Variants in DYNLRB1 observed in about 807,000 individuals in gnomAD.
DYNLRB1 encodes dynein light chain roadblock-type 1.
A neutral mutation model predicts 13.5 loss-of-function variants in DYNLRB1; 6 were observed. The ratio of observed to expected loss-of-function variants is 0.44; its 90% CI spans 0.24 to 0.88. The LOEUF (loss-of-function observed/expected upper bound fraction) is 0.88. Among genes scored for constraint, DYNLRB1 ranks in the 40% least tolerant of loss-of-function variants. DYNLRB1 has a pLI of 0.21. For synonymous variants in DYNLRB1, 43 were observed against 45.0 expected (o/e 0.96, Z 0.18); for missense variants, 93 against 127.2 (o/e 0.73, Z 1.29).
chr20:34,516,416 C>T (rs970461203), upstream of DYNLRB1: 3 of 1,610,902 alleles, frequency 1.9e-6, no homozygotes, highest in Non-Finnish European at 2.5e-6. Context: ...AGGCACAGGA[C>T]TCGCTAAGTG....
At chr20:34,521,870 AC>A (rs1271820585) in intron 1 of DYNLRB1, among the ~76,000 whole-genome samples, 4 of 151,932 alleles carry the variant, frequency 2.6e-5, no homozygotes, top group Admixed American at 2.6e-4. Flanking sequence ...ACATGTCGAA[AC>A]CCCATCTCTA....
Position 34,534,655 on chromosome 20 carries a change from A to G in DYNLRB1, c.107A>G (p.Asn36Ser), listed in dbSNP as rs1600552214. Reference protein sequence around the residue: ...EGIPIKSTMDNPTTTQYASLM... With the variant: ...EGIPIKSTMDSPTTTQYASLM... ...ATTCCCATCAAGAGCACCATGGACA[A>G]CCCCACCACCACCCAGTATGCCAGC... Residue 36 changes from asparagine (N) to serine (S), a missense_variant, in exon 3 of 4, where the codon AAC becomes AGC. By Grantham distance (46) the Asn-to-Ser change is conservative. Coordinates refer to ENST00000357156, the MANE Select transcript of DYNLRB1 (RefSeq NM_014183.4). 1.3e-6 allele frequency: 2 copies of G among 1,578,436 alleles called. No individual in the cohort carries two copies. Among genetic ancestry groups the G allele is most frequent in the Non-Finnish European group, 8.6e-7 (1 of 1,161,882 alleles).
rs1048262479 is a variant in DYNLRB1, at chr20:34,536,463, G to C, written c.247+1668G>C. On this transcript the variant is annotated intron_variant, in intron 3 of 3. Coordinates refer to ENST00000357156, the MANE Select transcript of DYNLRB1 (RefSeq NM_014183.4). Reference sequence around the variant, plus strand: ...AGCTTCACTCCCCAAAAGTCGGGCCGGGATGGAGCGCAGTGGCTCACGCCT... The same window carrying C: ...AGCTTCACTCCCCAAAAGTCGGGCCCGGATGGAGCGCAGTGGCTCACGCCT... 8.1e-6 allele frequency: 8 copies of C among 985,254 alleles called. No homozygotes were observed. In the African/African-American group the frequency reaches 1.2e-4, roughly 15 times the overall value. 61.0% of individuals were successfully genotyped at this position (985,254 alleles called of 1,614,324 possible).
At chr20:34,536,570 C>A (rs1981157253) in intron 3 of DYNLRB1, 1 of 716,656 alleles carries the variant, frequency 1.4e-6, no homozygotes, top group African/African-American at 1.9e-5. Context: ...CATGGTGAAA[C>A]CCCGTCTCTA....
At chr20:34,529,866 T>C in intron 2 of DYNLRB1, 2 of 1,528,410 alleles carry the variant, frequency 1.3e-6, no homozygotes, top group Non-Finnish European at 8.8e-7. Context: ...CTGGGAGCCC[T>C]TGGGACACTG....
chr20:34,538,021 T>C (rs1981297262), intron 3 of DYNLRB1, among the ~76,000 whole-genome samples: 2 of 131,114 alleles, frequency 1.5e-5, no homozygotes, highest in East Asian at 4.6e-4. Flanking sequence ...AGGGTCTAGC[T>C]CTGTTGCCCA....
At chr20:34,516,517 C>T (rs2146606011) in intron 1 of DYNLRB1, 56 bp downstream of exon 1, 1 of 1,606,670 alleles carries the variant, frequency 6.2e-7, no homozygotes, top group Non-Finnish European at 8.5e-7. Context: ...CACGCCAGGC[C>T]TTCAGTCTTC....
chr20:34,519,379 T>A (rs1320416623), intron 1 of DYNLRB1, among the ~76,000 whole-genome samples: 1 of 152,170 alleles, frequency 6.6e-6, no homozygotes, highest in South Asian at 2.1e-4. Flanking sequence ...TAGATGAAAC[T>A]GGAATATATA....
intron 2 of DYNLRB1, among the ~76,000 whole-genome samples, chr20:34,529,099 C>T (rs1248693635): frequency 6.6e-6 from 1 of 152,206 alleles, no homozygotes; most frequent in Non-Finnish European, 1.5e-5. Context: ...AGTGGTACAG[C>T]AGTGCCTGTG....
At chr20:34,516,273 G>A, upstream of DYNLRB1, 1 of 933,670 alleles carries the variant, frequency 1.1e-6, no homozygotes, top group Non-Finnish European at 1.6e-6. Flanking sequence ...TTTTCGCTTT[G>A]CCACAGTGGA....
At chr20:34,535,623 G>T (rs1981081528) in intron 3 of DYNLRB1, 3 of 984,264 alleles carry the variant, frequency 3.0e-6, no homozygotes, top group African/African-American at 1.7e-5. Context: ...TTCTCACTCT[G>T]CTTTTTCTTG....
At chr20:34,531,849 AG>A (rs1349301521) in intron 2 of DYNLRB1, among the ~76,000 whole-genome samples, 6 of 152,234 alleles carry the variant, frequency 3.9e-5, no homozygotes, top group African/African-American at 1.4e-4. Flanking sequence ...TGGAGACCTC[AG>A]GGACCAAAGT....
At chr20:34,527,279 G>C (rs1360027446) in intron 2 of DYNLRB1, among the ~76,000 whole-genome samples, 1 of 152,218 alleles carries the variant, frequency 6.6e-6, no homozygotes, top group African/African-American at 2.4e-5. Context: ...AGGGACTCTG[G>C]AATCCAGCAG....
At chr20:34,517,972 C>T (rs1979393684) in intron 1 of DYNLRB1, among the ~76,000 whole-genome samples, 1 of 152,158 alleles carries the variant, frequency 6.6e-6, no homozygotes, top group South Asian at 2.1e-4. Flanking sequence ...TTGATGGACG[C>T]TAATTCCATA....
chr20:34,517,358 C>T (rs1033688416), intron 1 of DYNLRB1, among the ~76,000 whole-genome samples: 3 of 152,074 alleles, frequency 2.0e-5, no homozygotes, highest in Admixed American at 1.3e-4. Flanking sequence ...AGTTTAGCCC[C>T]TATTGAATGT....
chr20:34,516,506 C>T (rs1263766410), intron 1 of DYNLRB1, 45 bp downstream of exon 1: 2 of 1,609,538 alleles, frequency 1.2e-6, no homozygotes, highest in African/African-American at 1.3e-5. Context: ...GCCCACCACC[C>T]CACGCCAGGC....
At chr20:34,530,309 A>G in intron 2 of DYNLRB1, 1 of 999,706 alleles carries the variant, frequency 1.0e-6, no homozygotes, top group Non-Finnish European at 1.2e-6. Context: ...GAATGAGCCC[A>G]CCTGGCTTTG....
Position 34,526,363 on chromosome 20 carries a change from A to G in DYNLRB1, c.79+20A>G, listed in dbSNP as rs774502503. 2.0e-5 allele frequency: 32 copies of G among 1,613,432 alleles called. 1 individual carries two copies. The South Asian group carries it at 3.5e-4, about 18-fold the overall frequency. On this transcript the variant is annotated intron_variant, in intron 2 of 3. Transcript: ENST00000357156. The stretch of plus-strand genomic sequence containing the variant: ...CAGAAGGTACGCCCTCCCTCCCGCC[A>G]TGACCCGCACCCAGGCAGGCCCAGA...
chr20:34,521,383 C>T, intron 1 of DYNLRB1, among the ~76,000 whole-genome samples: 1 of 151,602 alleles, frequency 6.6e-6, no homozygotes, highest in South Asian at 2.1e-4. Context: ...GGCATATTTT[C>T]TACTAGTATT....
Sources: allele counts gnomAD v4.1 joint callset (sites outside exome capture counted in the v4.1 genomes callset), GRCh38; gene constraint gnomAD v4.1.1; transcripts MANE v1.5; gene names NCBI Gene and HGNC (gene_info 2026-07-23, HGNC 2026-07-21).